MCUB: variants seen among roughly 807,000 people sequenced by gnomAD.
MCUB encodes mitochondrial calcium uniporter dominant negative subunit beta, also known as calcium uniporter regulatory subunit MCUb, mitochondrial.
A neutral mutation model predicts 41.4 loss-of-function variants in MCUB; 46 were observed. The observed-to-expected ratio is 1.11, with a 90% CI of 0.88 to 1.42. The LOEUF is 1.42. MCUB is among the 40% of genes most tolerant of loss of function. The pLI, the probability that MCUB is intolerant of heterozygous loss-of-function variation, is 0.00. For missense variants in MCUB, 403 were observed against 404.9 expected, an observed-to-expected ratio of 1.00 and a Z score of 0.04; for synonymous variants, 148 against 148.2, an observed-to-expected ratio of 1.00 and a Z score of 0.01.
At chr4:109,627,381 T>G (rs144346879) in intron 1 of MCUB, among the ~76,000 whole-genome samples, 102 of 152,322 alleles carry the variant, frequency 6.7e-4, no homozygotes, top group African/African-American at 2.3e-3. Flanking sequence ...TTCAGGGAAT[T>G]GAAAGAGTCT....
chr4:109,629,771 G>A (rs1019909761), intron 1 of MCUB, among the ~76,000 whole-genome samples: 3 of 152,194 alleles, frequency 2.0e-5, no homozygotes, highest in Admixed American at 6.5e-5. Context: ...CCATTCCCCC[G>A]GAGCATTTAT....
At chr4:109,627,845 G>A (rs1467207236) in intron 1 of MCUB, among the ~76,000 whole-genome samples, 1 of 151,798 alleles carries the variant, frequency 6.6e-6, no homozygotes, top group Non-Finnish European at 1.5e-5. Context: ...CCTGGGAGGT[G>A]GAGGTTGCAG....
intron 1 of MCUB, among the ~76,000 whole-genome samples, chr4:109,601,199 T>C (rs184447622): frequency 1.2e-4 from 19 of 152,332 alleles, no homozygotes; most frequent in African/African-American, 4.3e-4. Context: ...GCATGCAGTG[T>C]GTAATAATCA....
chr4:109,583,252 G>T (rs567242122), intron 1 of MCUB, among the ~76,000 whole-genome samples: 1 of 152,220 alleles, frequency 6.6e-6, no homozygotes, highest in South Asian at 2.1e-4. Context: ...GCCGTGGTTT[G>T]TAGTTGTCCT....
At chr4:109,575,129 C>T (rs1726997953) in intron 1 of MCUB, among the ~76,000 whole-genome samples, 1 of 152,050 alleles carries the variant, frequency 6.6e-6, no homozygotes, top group African/African-American at 2.4e-5. Flanking sequence ...CCCTTGGGTA[C>T]CCAGCTTTGA....
chr4:109,655,412 C>T (rs763959525), intron 1 of MCUB, among the ~76,000 whole-genome samples: 3 of 152,132 alleles, frequency 2.0e-5, no homozygotes, highest in Non-Finnish European at 4.4e-5. Flanking sequence ...TGTCCCCTTC[C>T]TGGAGGCTGG....
intron 2 of MCUB, among the ~76,000 whole-genome samples, chr4:109,659,938 A>G (rs1729191003): frequency 6.6e-6 from 1 of 152,224 alleles, no homozygotes; most frequent in African/African-American, 2.4e-5. Flanking sequence ...GATTACAGGC[A>G]TGAGCCACCA....
intron 1 of MCUB, among the ~76,000 whole-genome samples, chr4:109,616,459 C>T (rs1288783289): frequency 1.3e-5 from 2 of 152,154 alleles, no homozygotes; most frequent in African/African-American, 2.4e-5. Flanking sequence ...ATTTATTACC[C>T]AACAGAATAA....
chr4:109,641,434 C>T (rs190741324), intron 1 of MCUB, among the ~76,000 whole-genome samples: 230 of 152,080 alleles, frequency 1.5e-3, no homozygotes, highest in African/African-American at 5.4e-3. Flanking sequence ...AATTAAGTTC[C>T]CCATCCTATA....
intron 1 of MCUB, among the ~76,000 whole-genome samples, chr4:109,600,161 A>G (rs1057099513): frequency 5.9e-5 from 9 of 152,214 alleles, no homozygotes; most frequent in African/African-American, 1.9e-4. Flanking sequence ...TTAAATGGCA[A>G]TGGCACTTTA....
At chr4:109,590,635 T>C (rs1048358175) in intron 1 of MCUB, among the ~76,000 whole-genome samples, 1 of 152,182 alleles carries the variant, frequency 6.6e-6, no homozygotes, top group African/African-American at 2.4e-5. Flanking sequence ...GCTGGTAAGT[T>C]TTACTTACCT....
intron 1 of MCUB, among the ~76,000 whole-genome samples, chr4:109,646,217 C>T (rs1728832546): frequency 6.6e-6 from 1 of 152,260 alleles, no homozygotes; most frequent in East Asian, 1.9e-4. Context: ...ACTTGACTAA[C>T]ATCTACCCTT....
intron 1 of MCUB, among the ~76,000 whole-genome samples, chr4:109,592,443 G>A (rs1183171156): frequency 6.6e-6 from 1 of 151,698 alleles, no homozygotes; most frequent in African/African-American, 2.4e-5. Context: ...ATATATTTAT[G>A]TATGTTTTAT....
intron 1 of MCUB, among the ~76,000 whole-genome samples, chr4:109,598,781 A>G (rs1397914362): frequency 6.6e-6 from 1 of 152,238 alleles, no homozygotes; most frequent in Admixed American, 6.5e-5. Context: ...GTTTCCTTTT[A>G]AAATACATAT....
chr4:109,584,139 T>A (rs1008413411), intron 1 of MCUB, among the ~76,000 whole-genome samples: 2 of 152,198 alleles, frequency 1.3e-5, no homozygotes, highest in African/African-American at 4.8e-5. Flanking sequence ...CTCTTATTGG[T>A]CTATTCAGAG....
At chr4:109,602,795 G>T (rs754234073) in intron 1 of MCUB, among the ~76,000 whole-genome samples, 1 of 152,162 alleles carries the variant, frequency 6.6e-6, no homozygotes, top group African/African-American at 2.4e-5. Flanking sequence ...GATTGCTTTG[G>T]TAAGTATGGA....
intron 1 of MCUB, among the ~76,000 whole-genome samples, chr4:109,647,606 C>T (rs1201568778): frequency 2.0e-5 from 3 of 152,168 alleles, no homozygotes; most frequent in South Asian, 4.1e-4. Context: ...ATATTGGCTG[C>T]TTCCAAGTTT....
At chr4:109,587,730 G>A (rs1382364105) in intron 1 of MCUB, among the ~76,000 whole-genome samples, 1 of 152,168 alleles carries the variant, frequency 6.6e-6, no homozygotes, top group African/African-American at 2.4e-5. Context: ...TTATAAAACT[G>A]TTTTAAGTGT....
intron 1 of MCUB, among the ~76,000 whole-genome samples, chr4:109,593,219 A>G (rs1191484025): frequency 6.6e-6 from 1 of 152,236 alleles, no homozygotes; most frequent in Non-Finnish European, 1.5e-5. Flanking sequence ...TTTCGTGTCA[A>G]TCAATACCTT....
Sources: allele counts gnomAD v4.1 joint callset (sites outside exome capture counted in the v4.1 genomes callset), GRCh38; gene constraint gnomAD v4.1.1; transcripts MANE v1.5; gene names NCBI Gene and HGNC (gene_info 2026-07-23, HGNC 2026-07-21).